Variants in HIVEP2 observed in about 807,000 individuals in gnomAD.
HIVEP2 encodes the protein transcription factor HIVEP2.
HIVEP2 carries 14 observed loss-of-function variants against 180.7 expected under a neutral mutation model. That is an observed-to-expected ratio of 0.08 (90% confidence interval 0.05 to 0.12). The LOEUF is 0.12. Ranked by LOEUF, HIVEP2 falls within the 10% of genes least tolerant of loss-of-function variation. The pLI, the probability that HIVEP2 is intolerant of heterozygous loss-of-function variation, is 1.00. For missense variants in HIVEP2, 2,579 were observed against 3,008.5 expected (o/e 0.86, Z 3.34); for synonymous variants, 1,184 against 1,136.4 (o/e 1.04, Z -0.84).
chr6:142,778,069 T>C (rs1461254191), intron 3 of HIVEP2, among the ~76,000 whole-genome samples: 3 of 152,176 alleles, frequency 2.0e-5, no homozygotes, highest in Non-Finnish European at 4.4e-5. Flanking sequence ...AAAGATTCCT[T>C]CTGTTAATGG....
At chr6:142,841,158 C>T (rs1029632773) in intron 1 of HIVEP2, among the ~76,000 whole-genome samples, 4 of 151,830 alleles carry the variant, frequency 2.6e-5, no homozygotes, top group Admixed American at 2.6e-4. Flanking sequence ...TTTGTTTTAA[C>T]CATTTAATAT....
At chr6:142,906,476 A>G (rs963913917) in intron 1 of HIVEP2, among the ~76,000 whole-genome samples, 15 of 152,044 alleles carry the variant, frequency 9.9e-5, no homozygotes, top group African/African-American at 3.1e-4. Context: ...CTCTTTAATT[A>G]TTATTAAAAT....
At chr6:142,913,497 ATGCCATACTTAACTAAGTATCTAAT>A (rs1408566852) in intron 1 of HIVEP2, among the ~76,000 whole-genome samples, 1 of 152,250 alleles carries the variant, frequency 6.6e-6, no homozygotes, top group East Asian at 1.9e-4. Flanking sequence ...GCCAGCTTCA[ATGCCATACTTAACTAAGTATCTAAT>A]TGCCATACTT....
chr6:142,764,985 A>T lies in HIVEP2; in HGVS notation c.5343-11T>A. ...TCATTCGATTTGTACCTGTTTTAAA[A>T]AGAGGGAATCCAGTGTGTTTTCAAA... is the stretch of plus-strand genomic sequence containing the variant. On this transcript the variant is annotated splice_polypyrimidine_tract_variant and intron_variant, in intron 6 of 9. Transcript: ENST00000367603. The T allele has an allele frequency of 6.3e-7, 1 of 1,595,046 alleles. No individual in the cohort carries two copies.
In HIVEP2 at chr6:142,771,317, C is replaced by T; in HGVS notation, c.3422G>A (p.Gly1141Asp). ...QQEDPGKQVAGPCPPLSSGPL... is the reference protein window; with the variant it reads ...QQEDPGKQVADPCPPLSSGPL... ...CCCCGAGCTCAGCGGGGGACAAGGA[C>T]CCGCCACCTGCTTCCCTGGGTCCTC... Residue 1141 changes from glycine to aspartate, a missense_variant, in exon 5 of 10, where the codon GGT (glycine) becomes GAT (aspartate). By Grantham distance (94) the Gly-to-Asp change is moderately conservative (BLOSUM62 -1). Transcript: ENST00000367603. This position sits in a 1 kb window ranked among gnomAD's most constrained non-coding sequence, Gnocchi z 5.4. 1.9e-6 allele frequency: 3 copies of T among 1,613,280 alleles called. No homozygotes were observed. Among genetic ancestry groups the T allele is most frequent in the Non-Finnish European group, 2.5e-6 (3 of 1,180,010 alleles).
rs1775584665 is a variant in HIVEP2, at chr6:142,772,754, G to T, written c.1985C>A (p.Ser662Tyr). 5.0e-6 allele frequency: 8 copies of T among 1,614,200 alleles called. No homozygotes were observed. The Middle Eastern group carries it at 1.2e-3, about 233-fold the overall frequency. ...ACCATGCTTTAAAGAACTCAAGCAG[G>T]AAATGTCCCTGTAGTTTTGCTTTGG... Reference protein sequence around the residue: ...ETPKQNYRDISCLSSLKHGGE... With the variant: ...ETPKQNYRDIYCLSSLKHGGE... Residue 662 changes from serine (S) to tyrosine (Y), a missense_variant, in exon 5 of 10, where the codon TCC becomes TAC. Coordinates refer to ENST00000367603, the MANE Select transcript of HIVEP2 (RefSeq NM_006734.4). The surrounding 1 kb of genome is among the most constrained non-coding windows in gnomAD (Gnocchi z 4.9).
At chr6:142,815,112 C>T (rs924811947) in intron 2 of HIVEP2, among the ~76,000 whole-genome samples, 3 of 152,126 alleles carry the variant, frequency 2.0e-5, no homozygotes, top group African/African-American at 4.8e-5. Flanking sequence ...GATAACAAAC[C>T]CACTTTCTCA....
intron 2 of HIVEP2, among the ~76,000 whole-genome samples, chr6:142,804,131 A>G (rs1385477600): frequency 6.6e-6 from 1 of 152,212 alleles, no homozygotes; most frequent in Non-Finnish European, 1.5e-5. Flanking sequence ...CAATATGTAT[A>G]AATTTTAATT....
intron 1 of HIVEP2, among the ~76,000 whole-genome samples, chr6:142,890,785 C>A (rs1339802046): frequency 6.6e-6 from 1 of 152,172 alleles, no homozygotes; most frequent in Admixed American, 6.6e-5. Context: ...AAATCTCTAT[C>A]TTGTATATTA....
chr6:142,887,187 G>C (rs945063371), intron 1 of HIVEP2, among the ~76,000 whole-genome samples: 1 of 151,838 alleles, frequency 6.6e-6, no homozygotes, highest in African/African-American at 2.4e-5. Context: ...ATGAAATTTA[G>C]AAACTGCTTT....
At chr6:142,925,973 CG>C in intron 1 of HIVEP2, among the ~76,000 whole-genome samples, 1 of 152,286 alleles carries the variant, frequency 6.6e-6, no homozygotes, top group South Asian at 2.1e-4. Flanking sequence ...CAACCAGGGA[CG>C]TAATCACAAT....
At chr6:142,937,373 C>T (rs1778082294) in intron 1 of HIVEP2, among the ~76,000 whole-genome samples, 1 of 152,102 alleles carries the variant, frequency 6.6e-6, no homozygotes, top group African/African-American at 2.4e-5. Context: ...CCATAGCTAC[C>T]AGGTATTAAA....
intron 2 of HIVEP2, among the ~76,000 whole-genome samples, chr6:142,804,071 T>C (rs1008762092): frequency 3.9e-4 from 60 of 152,340 alleles, no homozygotes; most frequent in African/African-American, 1.2e-3. Flanking sequence ...CATCAAACTC[T>C]AGTACAAACT....
At chr6:142,907,316 A>C (rs749109966) in intron 1 of HIVEP2, among the ~76,000 whole-genome samples, 29 of 152,190 alleles carry the variant, frequency 1.9e-4, no homozygotes, top group Non-Finnish European at 3.4e-4. Flanking sequence ...GACGAAAACC[A>C]AAAATAAAAC....
intron 1 of HIVEP2, among the ~76,000 whole-genome samples, chr6:142,933,513 G>A (rs1777986151): frequency 6.6e-6 from 1 of 152,096 alleles, no homozygotes; most frequent in Non-Finnish European, 1.5e-5. Flanking sequence ...CAAGAATATA[G>A]GAAAAGAAGG....
At chr6:142,758,894 C>T (rs1016152936) in intron 9 of HIVEP2, among the ~76,000 whole-genome samples, 2 of 152,148 alleles carry the variant, frequency 1.3e-5, no homozygotes, top group Admixed American at 1.3e-4. Context: ...GAAAAGCAGA[C>T]AGGCTCATGT....
At chr6:142,761,677 G>T in intron 7 of HIVEP2, 112 bp from the exon 8 acceptor site, 2 of 726,116 alleles carry the variant, frequency 2.8e-6, no homozygotes, top group Non-Finnish European at 2.5e-6. Flanking sequence ...AATTCATCAT[G>T]TAACACAGAT....
chr6:142,913,920 A>T (rs1390131459), intron 1 of HIVEP2, among the ~76,000 whole-genome samples: 4 of 152,192 alleles, frequency 2.6e-5, no homozygotes, highest in Non-Finnish European at 4.4e-5. Flanking sequence ...AGCAAGTTGC[A>T]CGTTTGCACG....
chr6:142,776,648 C>T (rs1220281577), intron 3 of HIVEP2, among the ~76,000 whole-genome samples: 1 of 152,004 alleles, frequency 6.6e-6, no homozygotes, highest in African/African-American at 2.4e-5. Flanking sequence ...CCTCCCACCT[C>T]AGGCTCCCAA....
Sources: gnomAD v4.1 joint callset for allele counts (sites outside exome capture counted in the v4.1 genomes callset) on GRCh38, gnomAD v4.1.1 for gene constraint, Gnocchi (gnomAD v3.1) non-coding constraint, MANE v1.5 for transcripts, NCBI Gene and HGNC (gene_info 2026-07-23, HGNC 2026-07-21) for gene names.